HIBADH: variants seen among roughly 807,000 people sequenced by gnomAD.
HIBADH encodes 3-hydroxyisobutyrate dehydrogenase, also known as 3-hydroxyisobutyrate dehydrogenase, mitochondrial.
A neutral mutation model predicts 36.1 loss-of-function variants in HIBADH; 25 were observed. The observed-to-expected ratio is 0.69, with a 90% CI of 0.50 to 0.97. HIBADH has a LOEUF of 0.97. HIBADH is among the 50% of genes least tolerant of loss of function. HIBADH has a pLI of 0.00. For synonymous variants in HIBADH, 160 were observed against 149.5 expected (o/e 1.07, Z -0.51); for missense variants, 421 against 418.0 (o/e 1.01, Z -0.06).
intron 4 of HIBADH, among the ~76,000 whole-genome samples, chr7:27,590,633 T>C (rs1784924784): frequency 6.6e-6 from 1 of 152,120 alleles, no homozygotes; most frequent in Admixed American, 6.6e-5. Flanking sequence ...ACCCACCTAA[T>C]CCCTTTAGAG....
Position 27,526,015 on chromosome 7 carries a change from C to G in HIBADH, c.*199G>C, listed in dbSNP as rs1783890557. 1 of 386,060 alleles carries G rather than the reference C, an allele frequency of 2.6e-6. No individual in the cohort carries two copies. The highest frequency in any genetic ancestry group is 2.1e-5 in the African/African-American group (1 of 47,934). The allele number at this position is 386,060 out of a possible 1,614,324, so 23.9% of individuals were successfully genotyped here. A position where few individuals can be genotyped will look rare whatever the true frequency, so the allele number is the denominator to read the frequency against. On this transcript the variant is annotated 3_prime_UTR_variant, in exon 8 of 8. Coordinates refer to ENST00000265395, the MANE Select transcript of HIBADH (RefSeq NM_152740.4). ...GTTAGCAGAGACTATCAGTGGCTTG[C>G]AGAAAAAAAATTCGGATAATATGTT...
At chr7:27,625,821 G>A (rs1332512063) in intron 4 of HIBADH, among the ~76,000 whole-genome samples, 1 of 152,016 alleles carries the variant, frequency 6.6e-6, no homozygotes, top group African/African-American at 2.4e-5. Context: ...ACACTTTAAG[G>A]CCAGGCATGG....
intron 4 of HIBADH, among the ~76,000 whole-genome samples, chr7:27,606,168 A>G (rs1583593470): frequency 6.6e-6 from 1 of 152,198 alleles, no homozygotes; most frequent in African/African-American, 2.4e-5. Context: ...ATGTTTAAAT[A>G]TGGGGGAGGG....
At chr7:27,584,940 G>A (rs991514796) in intron 4 of HIBADH, among the ~76,000 whole-genome samples, 2 of 151,862 alleles carry the variant, frequency 1.3e-5, no homozygotes, top group Non-Finnish European at 2.9e-5. Flanking sequence ...AGGGATCCAT[G>A]GAGGGTACAC....
chr7:27,588,453 C>T (rs529893862), intron 4 of HIBADH, among the ~76,000 whole-genome samples: 42 of 152,252 alleles, frequency 2.8e-4, no homozygotes, highest in Non-Finnish European at 5.7e-4. Flanking sequence ...CTCAGCCTCC[C>T]GAGTAGCTGG....
chr7:27,640,131 T>A (rs373331761), intron 2 of HIBADH, among the ~76,000 whole-genome samples: 1 of 152,228 alleles, frequency 6.6e-6, no homozygotes, highest in South Asian at 2.1e-4. Flanking sequence ...TATTGTCATA[T>A]TCCTGGAATT....
intron 4 of HIBADH, among the ~76,000 whole-genome samples, chr7:27,569,614 A>G (rs1206082937): frequency 6.6e-6 from 1 of 151,924 alleles, no homozygotes; most frequent in African/African-American, 2.4e-5. Flanking sequence ...CGGTCCCTTT[A>G]TGAGCTCCCT....
intron 4 of HIBADH, among the ~76,000 whole-genome samples, chr7:27,602,186 A>C (rs1488327960): frequency 1.3e-5 from 2 of 151,666 alleles, no homozygotes; most frequent in African/African-American, 4.8e-5. Context: ...AAAAAAAAAG[A>C]GGATAATCTG....
chr7:27,556,763 T>G lies in HIBADH; in HGVS notation c.485-13663A>C, dbSNP rs183175188. Among the ~76,000 whole-genome samples the G allele has an allele frequency of 7.0e-3, 1,061 of 152,338 alleles. 8 individuals are homozygous for G. Among genetic ancestry groups the G allele is most frequent in the Middle Eastern group, 0.014 (4 of 294 alleles). On this transcript the variant is annotated intron_variant, in intron 4 of 7. Coordinates refer to ENST00000265395, the MANE Select transcript of HIBADH (RefSeq NM_152740.4). ...CTCTGTCTCCCAGTCTGTCTGTTCT[T>G]GAACAAATATGATGCTGTTTTAATC...
intron 4 of HIBADH, among the ~76,000 whole-genome samples, chr7:27,628,315 T>TA (rs1044158278): frequency 3.3e-5 from 5 of 152,068 alleles, no homozygotes; most frequent in South Asian, 2.1e-4. Context: ...AAGTTCTTTA[T>TA]AAAAAAATAC....
intron 4 of HIBADH, among the ~76,000 whole-genome samples, chr7:27,560,284 ATTTTTTGTATTTTTAGTAGAGACGGG>A (rs1467326970): frequency 2.0e-5 from 3 of 152,228 alleles, no homozygotes; most frequent in Middle Eastern, 6.8e-3. Flanking sequence ...ACCACGCCTA[ATTTTTTGTATTTTTAGTAGAGACGGG>A]GTTTCGCCAT....
At chr7:27,652,527 T>C (rs1397328918) in intron 1 of HIBADH, among the ~76,000 whole-genome samples, 7 of 152,214 alleles carry the variant, frequency 4.6e-5, no homozygotes. Flanking sequence ...AGTAATCCTC[T>C]AGATGCCTTA....
At chr7:27,605,912 G>C (rs1209177516) in intron 4 of HIBADH, among the ~76,000 whole-genome samples, 1 of 152,016 alleles carries the variant, frequency 6.6e-6, no homozygotes, top group Non-Finnish European at 1.5e-5. Context: ...CTGGACTTAG[G>C]TTTTTGGAAA....
At chr7:27,559,049 G>T (rs1031863809) in intron 4 of HIBADH, among the ~76,000 whole-genome samples, 1 of 152,186 alleles carries the variant, frequency 6.6e-6, no homozygotes, top group African/African-American at 2.4e-5. Flanking sequence ...GGATGGCTGT[G>T]AGGGAAGGAT....
At chr7:27,553,990 ATGTT>A (rs769966224) in intron 4 of HIBADH, among the ~76,000 whole-genome samples, 5 of 151,932 alleles carry the variant, frequency 3.3e-5, no homozygotes, top group African/African-American at 1.2e-4. Flanking sequence ...CTGGGTTTGT[ATGTT>A]TGTTTGTGTT....
intron 1 of HIBADH, among the ~76,000 whole-genome samples, chr7:27,661,913 T>C (rs557638891): frequency 5.9e-4 from 90 of 152,272 alleles, no homozygotes; most frequent in African/African-American, 1.9e-3. Flanking sequence ...AGGGGCCTCA[T>C]GTCCCTCGTG....
chr7:27,659,905 T>A (rs1220075216), intron 1 of HIBADH, among the ~76,000 whole-genome samples: 7 of 152,160 alleles, frequency 4.6e-5, no homozygotes, highest in Non-Finnish European at 7.4e-5. Flanking sequence ...CATTTTTTTT[T>A]AAATTAGCTA....
At chr7:27,565,172 G>A (rs1482894458) in intron 4 of HIBADH, among the ~76,000 whole-genome samples, 1 of 152,064 alleles carries the variant, frequency 6.6e-6, no homozygotes, top group Non-Finnish European at 1.5e-5. Flanking sequence ...CTTAGAGATA[G>A]CCCCTACACC....
intron 2 of HIBADH, among the ~76,000 whole-genome samples, chr7:27,638,914 G>A (rs773344928): frequency 9.2e-5 from 14 of 152,126 alleles, no homozygotes; most frequent in Non-Finnish European, 1.6e-4. Flanking sequence ...CACTCAGAAT[G>A]GCTGTTATTA....
Sources: gnomAD v4.1 joint callset for allele counts (sites outside exome capture counted in the v4.1 genomes callset) on GRCh38, gnomAD v4.1.1 for gene constraint, MANE v1.5 for transcripts, NCBI Gene and HGNC (gene_info 2026-07-23, HGNC 2026-07-21) for gene names.